CDH6: variants seen among roughly 807,000 people sequenced by gnomAD.
CDH6 encodes cadherin-6.
CDH6 carries 31 observed loss-of-function variants against 78.0 expected under a neutral mutation model. That is an observed-to-expected ratio of 0.40 (90% CI 0.30 to 0.54). The LOEUF is 0.54. Ranked by LOEUF, CDH6 falls within the 20% of genes least tolerant of loss-of-function variation. The probability of loss-of-function intolerance (pLI) is 0.56; values close to 1 mark genes in which losing one functional copy is unlikely to be tolerated. For synonymous variants in CDH6, 376 were observed against 368.8 expected (o/e 1.02, Z -0.23); for missense variants, 724 against 975.9 (o/e 0.74, Z 3.44).
At chr5:31,305,492 C>A in intron 7 of CDH6, 65 bp downstream of exon 7, 1 of 1,500,478 alleles carries the variant, frequency 6.7e-7, no homozygotes. Context: ...AAATATCTGC[C>A]TGCACTTGAG....
intron 2 of CDH6, among the ~76,000 whole-genome samples, chr5:31,292,847 GTGTGCATATATATATA>G (rs1737442577): frequency 1.4e-3 from 3 of 2,142 alleles, no homozygotes; most frequent in Non-Finnish European, 9.7e-4. Context: ...ATATATATAT[GTGTGCATATATATATA>G]TATATATATA....
chr5:31,265,708 A>G (rs7714197), intron 1 of CDH6, among the ~76,000 whole-genome samples: 142,678 of 150,892 alleles, frequency 0.95, 67,897 homozygotes, highest in East Asian at 1. Flanking sequence ...TTACTATTAT[A>G]TTCCGAATTA....
intron 2 of CDH6, among the ~76,000 whole-genome samples, chr5:31,269,905 C>T (rs1742474170): frequency 6.6e-6 from 1 of 152,088 alleles, no homozygotes. Flanking sequence ...TCAAGGGCAA[C>T]AACTGAATTT....
At chr5:31,249,309 T>A (rs965913489) in intron 1 of CDH6, 3 of 152,174 alleles carry the variant, frequency 2.0e-5, no homozygotes, top group Non-Finnish European at 2.9e-5. Flanking sequence ...CTGCCCTCTG[T>A]CCAACATGCA....
At chr5:31,303,138 ATAAAG>A (rs1737879832) in intron 6 of CDH6, among the ~76,000 whole-genome samples, 1 of 152,224 alleles carries the variant, frequency 6.6e-6, no homozygotes. Flanking sequence ...GTAAAAATAT[ATAAAG>A]TAAATACTTT....
At chr5:31,282,697 T>G (rs1742893701) in intron 2 of CDH6, among the ~76,000 whole-genome samples, 1 of 152,156 alleles carries the variant, frequency 6.6e-6, no homozygotes, top group African/African-American at 2.4e-5. Flanking sequence ...TTTTGTTCAT[T>G]TAAGTTACTC....
chr5:31,264,029 T>G (rs1045572194), intron 1 of CDH6, among the ~76,000 whole-genome samples: 2 of 152,230 alleles, frequency 1.3e-5, no homozygotes, highest in Admixed American at 1.3e-4. Flanking sequence ...GCCCATATTC[T>G]TCTTCTTCAT....
chr5:31,321,776 A>G (rs901634824), intron 11 of CDH6, among the ~76,000 whole-genome samples: 1 of 152,222 alleles, frequency 6.6e-6, no homozygotes. Context: ...TGGATAAAAT[A>G]GTAAAGAGAC....
At chr5:31,304,281 G>C (rs552548662) in intron 6 of CDH6, among the ~76,000 whole-genome samples, 5 of 152,084 alleles carry the variant, frequency 3.3e-5, no homozygotes. Context: ...CAGAATCACC[G>C]GGGGAAGTGT....
intron 1 of CDH6, among the ~76,000 whole-genome samples, chr5:31,218,245 A>G (rs1022452279): frequency 6.6e-6 from 1 of 152,196 alleles, no homozygotes; most frequent in Non-Finnish European, 1.5e-5. Flanking sequence ...TAAATTCACA[A>G]AAACAGAAAA....
At position 31,328,943 on chromosome 5, in the gene CDH6, C is replaced by T. The variant is rs138248975; in HGVS notation, c.*5635C>T. 1.4e-5 allele frequency: 3 copies of T among 221,148 alleles called. No homozygotes were observed. The highest frequency in any genetic ancestry group is 6.6e-5 in the East Asian group (1 of 15,076). The allele number at this position is 221,148 out of a possible 1,614,324, so 13.7% of individuals were successfully genotyped here. A position where few individuals can be genotyped will look rare whatever the true frequency, so the allele number is the denominator to read the frequency against. On this transcript the variant is annotated 3_prime_UTR_variant, in exon 12 of 12. Coordinates refer to ENST00000265071, the MANE Select transcript of CDH6 (RefSeq NM_004932.4). ...GTATTACCTTTTAGCTCAGTGTGGC[C>T]GGGCCTTTTGTTGCAGTCAAATGGC...
intron 1 of CDH6, among the ~76,000 whole-genome samples, chr5:31,260,842 T>C (rs986816798): frequency 1.3e-5 from 2 of 152,198 alleles, no homozygotes; most frequent in Non-Finnish European, 2.9e-5. Flanking sequence ...ACAGTGACTT[T>C]GACATTTACA....
At chr5:31,301,751 C>T (rs540567750) in intron 5 of CDH6, among the ~76,000 whole-genome samples, 58 of 152,302 alleles carry the variant, frequency 3.8e-4, no homozygotes, top group African/African-American at 1.4e-3. Context: ...AGTCGCAGTT[C>T]AGATTAAATT....
chr5:31,241,524 C>A (rs1741601071), intron 1 of CDH6, among the ~76,000 whole-genome samples: 1 of 152,218 alleles, frequency 6.6e-6, no homozygotes, highest in Non-Finnish European at 1.5e-5. Flanking sequence ...AACACATAAA[C>A]CTGAAAATGA....
chr5:31,279,503 C>A (rs1161259850), intron 2 of CDH6, among the ~76,000 whole-genome samples: 1 of 152,054 alleles, frequency 6.6e-6, no homozygotes, highest in Admixed American at 6.5e-5. Context: ...ACCAGGAGGT[C>A]AAGACTGCAG....
At chr5:31,268,124 A>C (rs537902405) in intron 2 of CDH6, among the ~76,000 whole-genome samples, 2 of 152,156 alleles carry the variant, frequency 1.3e-5, no homozygotes, top group African/African-American at 4.8e-5. Flanking sequence ...GCCAAGTTCA[A>C]ATTAACTACT....
intron 1 of CDH6, among the ~76,000 whole-genome samples, chr5:31,199,480 G>GTA (rs35730764): frequency 0.28 from 8,857 of 31,944 alleles, 628 homozygotes; most frequent in East Asian, 0.6. Flanking sequence ...ACACATATGT[G>GTA]TATATATGTA....
chr5:31,321,187 C>G (rs1463439297), intron 11 of CDH6, among the ~76,000 whole-genome samples: 3 of 107,562 alleles, frequency 2.8e-5, no homozygotes, highest in African/African-American at 1.1e-4. Flanking sequence ...GTGCCTAGAA[C>G]TGTACCTGGT....
chr5:31,312,831 T>C (rs1211732519), intron 7 of CDH6, among the ~76,000 whole-genome samples: 1 of 152,096 alleles, frequency 6.6e-6, no homozygotes, highest in African/African-American at 2.4e-5. Flanking sequence ...CCTATCTCCT[T>C]CTTCTGCCTC....
Sources: allele counts gnomAD v4.1 joint callset (sites outside exome capture counted in the v4.1 genomes callset), GRCh38; gene constraint gnomAD v4.1.1; transcripts MANE v1.5; gene names NCBI Gene and HGNC (gene_info 2026-07-23, HGNC 2026-07-21).